RUVBL1: variants seen among roughly 807,000 people sequenced by gnomAD.
RUVBL1 encodes the protein ruvB-like 1.
RUVBL1 carries 4 observed loss-of-function variants against 52.4 expected under a neutral mutation model. The observed-to-expected ratio is 0.08, with a 90% confidence interval of 0.04 to 0.17. RUVBL1 has a LOEUF of 0.17. Among genes scored for constraint, RUVBL1 ranks in the 10% least tolerant of loss-of-function variants. The pLI is 1.00. For missense variants in RUVBL1, 298 were observed against 572.8 expected (o/e 0.52, Z 4.90); for synonymous variants, 217 against 214.4 (o/e 1.01, Z -0.10).
Position 128,082,417 on chromosome 3 carries a change from G to C in RUVBL1, c.1211+66C>G. 8.2e-7 allele frequency: 1 copy of C among 1,221,050 alleles called. No homozygotes were observed. The highest frequency in any genetic ancestry group is 1.2e-6 in the Non-Finnish European group (1 of 824,984). 75.6% of individuals were successfully genotyped at this position (1,221,050 alleles called of 1,614,324 possible). A position where few individuals can be genotyped will look rare whatever the true frequency, so the allele number is the denominator to read the frequency against. ...GGAAGGGACCTGCCTTTATTGTCCA[G>C]AATGACCCCAGCGAGGGCCCTGGCT... On this transcript the variant is annotated intron_variant, in intron 10 of 10. Transcript: ENST00000322623. This position sits in a 1 kb window ranked among gnomAD's most constrained non-coding sequence, Gnocchi z 4.7.
chr3:128,090,026 G>C (rs372708481), intron 8 of RUVBL1, among the ~76,000 whole-genome samples: 5 of 151,776 alleles, frequency 3.3e-5, no homozygotes, highest in African/African-American at 1.2e-4. Context: ...TTCTGTTTTT[G>C]AGGTGATGAA....
intron 1 of RUVBL1, among the ~76,000 whole-genome samples, chr3:128,130,747 T>C (rs570524445): frequency 1.6e-4 from 24 of 151,620 alleles, no homozygotes; most frequent in Non-Finnish European, 3.2e-4. Flanking sequence ...ACCTCTCGAG[T>C]TCATGCCATT....
chr3:128,104,622 A>T, intron 4 of RUVBL1, 151 bp downstream of exon 4: 2 of 609,646 alleles, frequency 3.3e-6, no homozygotes, highest in South Asian at 6.8e-5. Flanking sequence ...GTACCGCTTT[A>T]TACACACAAT....
exon 1 of RUVBL1, chr3:128,153,410 C>T (rs1944285680): frequency 2.8e-6 from 4 of 1,415,984 alleles, no homozygotes; most frequent in Non-Finnish European, 9.1e-7. Flanking sequence ...GTGCACAGCG[C>T]GCCGGTTACG....
intron 2 of RUVBL1, among the ~76,000 whole-genome samples, chr3:128,118,824 G>A (rs1943581568): frequency 6.6e-6 from 1 of 152,176 alleles, no homozygotes; most frequent in South Asian, 2.1e-4. Context: ...GTCCTCCTGT[G>A]CTGTCATGAT....
At chr3:128,065,232 G>A (rs756882673) in intron 9 of RUVBL1, 19 of 684,324 alleles carry the variant, frequency 2.8e-5, no homozygotes, top group Non-Finnish European at 4.5e-5. Context: ...TGCCATTAAC[G>A]AAACAAAATT....
chr3:128,078,913 T>C (rs1376580503), downstream of RUVBL1: 1 of 152,254 alleles, frequency 6.6e-6, no homozygotes, highest in African/African-American at 2.4e-5. Flanking sequence ...TCCCTCACTT[T>C]GGAGCACAGA....
At chr3:128,152,997 C>A (rs1391906846) in intron 1 of RUVBL1, among the ~76,000 whole-genome samples, 1 of 48,066 alleles carries the variant, frequency 2.1e-5, no homozygotes, top group Non-Finnish European at 4.1e-5. Flanking sequence ...CACCCCGCCC[C>A]CCCCGCCCCC....
chr3:128,126,201 T>TTGTGTGTGTGTG (rs10576695), upstream of RUVBL1, among the ~76,000 whole-genome samples: 98 of 147,626 alleles, frequency 6.6e-4, no homozygotes, highest in African/African-American at 2.3e-3. Flanking sequence ...AGTTGTTCCT[T>TTGTGTGTGTGTG]TGTGTGTGTG....
At chr3:128,136,299 C>T (rs1943946137) in intron 1 of RUVBL1, among the ~76,000 whole-genome samples, 1 of 151,650 alleles carries the variant, frequency 6.6e-6, no homozygotes, top group Admixed American at 6.6e-5. Flanking sequence ...ATGGACTAAA[C>T]TTTCCAATAA....
intron 2 of RUVBL1, among the ~76,000 whole-genome samples, chr3:128,113,676 T>A (rs1943450231): frequency 6.6e-6 from 1 of 152,246 alleles, no homozygotes; most frequent in South Asian, 2.1e-4. Flanking sequence ...ATTGTTTTTT[T>A]CCTGAGTATT....
chr3:128,152,339 G>A (rs775129471), intron 1 of RUVBL1, among the ~76,000 whole-genome samples: 4 of 152,186 alleles, frequency 2.6e-5, no homozygotes, highest in Non-Finnish European at 4.4e-5. Flanking sequence ...CAGAGATAAT[G>A]TTGTCCTCTT....
intron 9 of RUVBL1, chr3:128,083,790 GA>G (rs1942553336): frequency 6.6e-6 from 1 of 152,328 alleles, no homozygotes; most frequent in African/African-American, 2.4e-5. Context: ...GAAACGTCCT[GA>G]TTTTGGCAGG....
rs1942083235 is a variant in RUVBL1 at position 128,069,335 on chromosome 3, C to A, written c.940-4115G>T. The A allele has an allele frequency of 8.9e-6, 7 of 790,946 alleles. No homozygotes were observed. The Middle Eastern group carries it at 1.5e-3, about 171-fold the overall frequency. 49.0% of individuals were successfully genotyped at this position (790,946 alleles called of 1,614,324 possible). On this transcript the variant is annotated intron_variant, in intron 9 of 9. Transcript: ENST00000464873. ...GCAGCGCCTTGGCCTAGAGCGCTAG[C>A]ATGTTAGTAGATGACTTTCTAGGAG...
upstream of RUVBL1, among the ~76,000 whole-genome samples, chr3:128,127,024 T>A (rs1192070472): frequency 6.6e-6 from 1 of 152,200 alleles, no homozygotes; most frequent in African/African-American, 2.4e-5. Flanking sequence ...GCTAGTTCAA[T>A]GACAGTCAGT....
chr3:128,109,221 C>T (rs914336503), intron 3 of RUVBL1, among the ~76,000 whole-genome samples: 2 of 152,086 alleles, frequency 1.3e-5, no homozygotes, highest in African/African-American at 4.8e-5. Context: ...GTTTTACATC[C>T]TTCTCTATAA....
intron 5 of RUVBL1, 85 bp downstream of exon 5, chr3:128,101,474 T>C: frequency 7.7e-7 from 1 of 1,300,740 alleles, no homozygotes; most frequent in Non-Finnish European, 1.1e-6. Context: ...CCCCACACCC[T>C]CTGAAGAAAG....
At chr3:128,125,734 C>A (rs970121364), upstream of RUVBL1, among the ~76,000 whole-genome samples, 2 of 152,230 alleles carry the variant, frequency 1.3e-5, no homozygotes, top group Non-Finnish European at 2.9e-5. Context: ...GAGGTTGTTA[C>A]TAGGGCATGT....
intron 9 of RUVBL1, among the ~76,000 whole-genome samples, chr3:128,085,424 T>C (rs536940311): frequency 1.1e-4 from 17 of 152,306 alleles, no homozygotes; most frequent in African/African-American, 4.1e-4. Context: ...GCAGTAAGAA[T>C]GGGCCAGTTT....
Sources: gnomAD v4.1 joint callset for allele counts (sites outside exome capture counted in the v4.1 genomes callset) on GRCh38, gnomAD v4.1.1 for gene constraint, Gnocchi (gnomAD v3.1) non-coding constraint, MANE v1.5 for transcripts, NCBI Gene and HGNC (gene_info 2026-07-23, HGNC 2026-07-21) for gene names.